FOXN2: variants seen among roughly 807,000 people sequenced by gnomAD.
The protein encoded by FOXN2 is forkhead box N2, also known as forkhead box protein N2.
Under a neutral mutation model 41.2 loss-of-function variants are expected in FOXN2, and 19 were observed. The ratio of observed to expected loss-of-function variants is 0.46; its 90% CI spans 0.32 to 0.68. The LOEUF (loss-of-function observed/expected upper bound fraction) is 0.68, where lower values mean the gene tolerates loss of function less well. Ranked by LOEUF, FOXN2 falls within the 30% of genes least tolerant of loss-of-function variation. The pLI, the probability that FOXN2 is intolerant of heterozygous loss-of-function variation, is 0.03. For missense variants in FOXN2, 587 were observed against 509.4 expected (o/e 1.15, Z -1.47); for synonymous variants, 195 against 176.8 (o/e 1.10, Z -0.82).
rs559733422 is a variant in FOXN2 at position 48,359,563 on chromosome 2, G to A, written c.638+416G>A. Reference sequence around the variant, plus strand: ...CCCACCTCTGCCTCCCAAAGTGCTGGGATTACAGGCGTGAGCCACCATCCT... The same window carrying A: ...CCCACCTCTGCCTCCCAAAGTGCTGAGATTACAGGCGTGAGCCACCATCCT... On this transcript the variant is annotated intron_variant, in intron 4 of 6. Transcript: ENST00000340553. 1.1e-3 allele frequency among the ~76,000 whole-genome samples: 169 copies of A among 151,880 alleles called. 1 individual carries two copies. Among genetic ancestry groups the A allele is most frequent in the African/African-American group, 3.8e-3 (158 of 41,444 alleles).
intron 1 of FOXN2, among the ~76,000 whole-genome samples, chr2:48,321,128 G>A (rs572550263): frequency 2.0e-5 from 3 of 152,192 alleles, no homozygotes; most frequent in South Asian, 4.1e-4. Flanking sequence ...ATGGTCTGTA[G>A]TAGAGCATAA....
chr2:48,354,489 A>G (rs908667400), intron 3 of FOXN2, among the ~76,000 whole-genome samples: 2 of 152,216 alleles, frequency 1.3e-5, no homozygotes, highest in South Asian at 2.1e-4. Context: ...AATCCCAGCT[A>G]CTTGGGAGGC....
At chr2:48,338,543 A>T (rs1423196246) in intron 2 of FOXN2, among the ~76,000 whole-genome samples, 1 of 151,992 alleles carries the variant, frequency 6.6e-6, no homozygotes, top group Admixed American at 6.5e-5. Context: ...CCGGGACCAC[A>T]GCCGCTCGCC....
chr2:48,325,323 A>G (rs778338755), intron 1 of FOXN2, among the ~76,000 whole-genome samples: 1 of 152,228 alleles, frequency 6.6e-6, no homozygotes, highest in Non-Finnish European at 1.5e-5. Context: ...AGTTAATACT[A>G]GTAAAGTATT....
intron 2 of FOXN2, among the ~76,000 whole-genome samples, chr2:48,337,477 T>G (rs184517839): frequency 0.012 from 1,866 of 150,376 alleles, 26 homozygotes; most frequent in Non-Finnish European, 0.015. Context: ...TTTTGTGGGG[T>G]TTTTTTTTGG....
intron 2 of FOXN2, among the ~76,000 whole-genome samples, chr2:48,336,027 C>G (rs932849503): frequency 1.1e-5 from 1 of 91,256 alleles, no homozygotes; most frequent in Non-Finnish European, 2.4e-5. Flanking sequence ...GACTCTGTCT[C>G]AAAAAAAAAA....
At chr2:48,314,185 C>T (rs1668724171), upstream of FOXN2, among the ~76,000 whole-genome samples, 1 of 152,242 alleles carries the variant, frequency 6.6e-6, no homozygotes. Context: ...CGTGGGGTGT[C>T]GAGGAAGGTC....
intron 1 of FOXN2, among the ~76,000 whole-genome samples, chr2:48,321,018 T>A (rs967325836): frequency 6.6e-6 from 1 of 152,104 alleles, no homozygotes; most frequent in Non-Finnish European, 1.5e-5. Flanking sequence ...CTTTTTTTTT[T>A]AACTTGCCCC....
chr2:48,321,117 T>C (rs1669286459), intron 1 of FOXN2, among the ~76,000 whole-genome samples: 1 of 152,216 alleles, frequency 6.6e-6, no homozygotes, highest in African/African-American at 2.4e-5. Context: ...CACTACATGT[T>C]ATGGTCTGTA....
chr2:48,332,281 C>G (rs1326024693), intron 2 of FOXN2, among the ~76,000 whole-genome samples: 1 of 152,008 alleles, frequency 6.6e-6, no homozygotes, highest in Non-Finnish European at 1.5e-5. Flanking sequence ...TGGCATCAGA[C>G]AAAGCTGTTA....
chr2:48,364,331 C>T (rs564164681), intron 5 of FOXN2, among the ~76,000 whole-genome samples: 17 of 152,028 alleles, frequency 1.1e-4, no homozygotes, highest in Non-Finnish European at 1.9e-4. Flanking sequence ...GGGCTTAAGC[C>T]ATCTTCCCAC....
At chr2:48,347,155 T>A (rs1671158982) in intron 3 of FOXN2, among the ~76,000 whole-genome samples, 1 of 151,878 alleles carries the variant, frequency 6.6e-6, no homozygotes, top group African/African-American at 2.4e-5. Flanking sequence ...TTTGATTTTC[T>A]TTTCCACTTT....
intron 6 of FOXN2, 117 bp from the exon 7 acceptor site, chr2:48,374,803 A>G: frequency 1.2e-6 from 1 of 848,900 alleles, no homozygotes; most frequent in Non-Finnish European, 1.8e-6. Context: ...TAAAAAATCT[A>G]CAAAGCATCA....
chr2:48,352,240 A>T (rs982842171), intron 3 of FOXN2, among the ~76,000 whole-genome samples: 1 of 152,220 alleles, frequency 6.6e-6, no homozygotes, highest in Admixed American at 6.5e-5. Context: ...GCAAACAGAG[A>T]TAGTTTCAGT....
At chr2:48,374,885 A>G in intron 6 of FOXN2, 35 bp from the exon 7 acceptor site, 1 of 1,560,880 alleles carries the variant, frequency 6.4e-7, no homozygotes, top group Non-Finnish European at 8.7e-7. Context: ...AACCAAACAC[A>G]TTTGACCTAT....
At position 48,328,602 on chromosome 2, in the gene FOXN2, GC is replaced by G. The variant is rs1669834179; in HGVS notation, c.-114del. 6.6e-6 allele frequency: 1 copy of G among 152,164 alleles called. No individual in the cohort carries two copies. Among genetic ancestry groups the G allele is most frequent in the Non-Finnish European group, 1.5e-5 (1 of 68,034 alleles). The allele number at this position is 152,164 out of a possible 1,614,324, so 9.4% of individuals were successfully genotyped here. A position where few individuals can be genotyped will look rare whatever the true frequency, so the allele number is the denominator to read the frequency against. ...ATAACAGAACCCACAGATGCAGAGGGCTGACTGTACAAGTCTGTCAAAAAAC... is the reference window on the plus strand; with the variant it reads ...ATAACAGAACCCACAGATGCAGAGGGTGACTGTACAAGTCTGTCAAAAAAC... On this transcript the variant is annotated 5_prime_UTR_variant, in exon 2 of 7. An upstream open reading frame in the 5' UTR gains an earlier in-frame stop. Coordinates refer to ENST00000340553, the MANE Select transcript of FOXN2 (RefSeq NM_002158.4).
intron 2 of FOXN2, among the ~76,000 whole-genome samples, chr2:48,336,192 T>C (rs1300458820): frequency 6.6e-6 from 1 of 151,874 alleles, no homozygotes; most frequent in Non-Finnish European, 1.5e-5. Flanking sequence ...TCACTTGAGG[T>C]CAGGAGTTCA....
intron 3 of FOXN2, among the ~76,000 whole-genome samples, chr2:48,358,499 C>T (rs537147312): frequency 7.9e-5 from 12 of 152,126 alleles, no homozygotes; most frequent in Admixed American, 3.3e-4. Context: ...ACCTATAGAA[C>T]GGTGTTCTTT....
intron 2 of FOXN2, among the ~76,000 whole-genome samples, chr2:48,344,504 C>T (rs1292544837): frequency 5.9e-5 from 9 of 152,144 alleles, no homozygotes. Flanking sequence ...TTACGCTTAA[C>T]CTCTCTGATT....
Sources: allele counts gnomAD v4.1 joint callset (sites outside exome capture counted in the v4.1 genomes callset), GRCh38; gene constraint gnomAD v4.1.1; transcripts MANE v1.5; gene names NCBI Gene and HGNC (gene_info 2026-07-23, HGNC 2026-07-21).